ME3: variants seen among roughly 807,000 people sequenced by gnomAD.
ME3 encodes malic enzyme 3.
Under a neutral mutation model 68.9 loss-of-function variants are expected in ME3, and 48 were observed. The ratio of observed to expected loss-of-function variants is 0.70; its 90% CI spans 0.55 to 0.89. The LOEUF (loss-of-function observed/expected upper bound fraction) is 0.89, where lower values mean the gene tolerates loss of function less well. ME3 is among the 40% of genes least tolerant of loss of function. The pLI, the probability that ME3 is intolerant of heterozygous loss-of-function variation, is 0.00. For synonymous variants in ME3, 320 were observed against 318.8 expected (o/e 1.00, Z -0.04); for missense variants, 675 against 797.4 (o/e 0.85, Z 1.85).
intron 2 of ME3, among the ~76,000 whole-genome samples, chr11:86,598,311 T>A (rs12574128): frequency 0.27 from 41,079 of 152,150 alleles, 5,868 homozygotes; most frequent in African/African-American, 0.35. Context: ...CGCACCTGGC[T>A]TGGAGGGTCC....
At chr11:86,534,081 G>GTGTATATATATATATATATATATA (rs1361825219) in intron 4 of ME3, among the ~76,000 whole-genome samples, 4 of 127,502 alleles carry the variant, frequency 3.1e-5, no homozygotes, top group African/African-American at 1.3e-4. Context: ...GTGTGTGTGT[G>GTGTATATATATATATATATATATA]TATATATATA....
intron 7 of ME3, among the ~76,000 whole-genome samples, chr11:86,476,040 A>G (rs1164156034): frequency 1.3e-5 from 2 of 152,056 alleles, no homozygotes; most frequent in Non-Finnish European, 2.9e-5. Context: ...TAAAATCCTC[A>G]TTAACTTCCT....
chr11:86,481,341 C>G (rs1486223961), intron 7 of ME3, among the ~76,000 whole-genome samples: 1 of 151,698 alleles, frequency 6.6e-6, no homozygotes, highest in African/African-American at 2.4e-5. Flanking sequence ...GTGTGAGCCA[C>G]TGTGCTCAGC....
chr11:86,472,008 G>A (rs977865838), intron 7 of ME3, among the ~76,000 whole-genome samples: 16 of 152,330 alleles, frequency 1.1e-4, no homozygotes, highest in African/African-American at 2.6e-4. Context: ...TCTGCAGCGG[G>A]GAGAGGCAAT....
At chr11:86,578,597 C>T (rs1007620537) in intron 2 of ME3, among the ~76,000 whole-genome samples, 4 of 152,130 alleles carry the variant, frequency 2.6e-5, no homozygotes, top group African/African-American at 9.7e-5. Context: ...ACCAAATCCT[C>T]ATTCTCCTGG....
intron 2 of ME3, among the ~76,000 whole-genome samples, chr11:86,614,154 A>G (rs145543706): frequency 2.0e-5 from 3 of 152,194 alleles, no homozygotes; most frequent in Non-Finnish European, 4.4e-5. Flanking sequence ...AGAATCTCAC[A>G]TCATCTTCCC....
In ME3 at chr11:86,625,322, C is replaced by T. The variant is rs138929742; in HGVS notation, c.183+46440G>A. On this transcript the variant is annotated intron_variant, in intron 2 of 14. Coordinates refer to ENST00000543262, the Ensembl canonical transcript of ME3. ...GCAGCAAGATCTAAGAATGAAGACG[C>T]GTAGCTGATCATACATCCTAGATAA... 2.8e-3 allele frequency among the ~76,000 whole-genome samples: 420 copies of T among 151,840 alleles called. 3 individuals carry two copies. Among genetic ancestry groups the T allele is most frequent in the African/African-American group, 9.8e-3 (404 of 41,424 alleles).
intron 2 of ME3, among the ~76,000 whole-genome samples, chr11:86,638,842 C>A (rs902974667): frequency 2.0e-5 from 3 of 152,178 alleles, no homozygotes; most frequent in African/African-American, 7.2e-5. Context: ...AAATCCATGT[C>A]CCTTGAATTC....
chr11:86,668,942 G>C (rs963229396), intron 2 of ME3, among the ~76,000 whole-genome samples: 2 of 152,180 alleles, frequency 1.3e-5, no homozygotes, highest in African/African-American at 4.8e-5. Flanking sequence ...CCACAGACAT[G>C]AACACTAAGC....
intron 2 of ME3, among the ~76,000 whole-genome samples, chr11:86,670,410 G>A (rs1335511688): frequency 6.6e-6 from 1 of 152,184 alleles, no homozygotes; most frequent in Non-Finnish European, 1.5e-5. Context: ...TGTGGTTCAA[G>A]CCGTGCCTGC....
rs115420829 is a variant in ME3, at chr11:86,633,238, T to C, written c.183+38524A>G. On this transcript the variant is annotated intron_variant, in intron 2 of 14. Coordinates refer to ENST00000543262, the Ensembl canonical transcript of ME3. Reference sequence around the variant, plus strand: ...GATGTGACCAAGGACATAAGCACAGTGACAGACTGACATTTAGTCACTTAC... The same window carrying C: ...GATGTGACCAAGGACATAAGCACAGCGACAGACTGACATTTAGTCACTTAC... 3.7e-3 allele frequency among the ~76,000 whole-genome samples: 561 copies of C among 152,314 alleles called. 7 individuals are homozygous for C. The highest frequency in any genetic ancestry group is 0.013 in the African/African-American group (529 of 41,564).
chr11:86,441,283 A>G (rs1948981490), exon 15 of ME3: 1 of 1,597,552 alleles, frequency 6.3e-7, no homozygotes, highest in African/African-American at 1.3e-5. Context: ...ACTGCCTCAG[A>G]CCGTCTGAAC....
At chr11:86,463,305 G>A (rs1247655996) in intron 8 of ME3, among the ~76,000 whole-genome samples, 1 of 152,154 alleles carries the variant, frequency 6.6e-6, no homozygotes, top group Admixed American at 6.5e-5. Flanking sequence ...TGGGCTCAGG[G>A]GACTGGCTGT....
intron 4 of ME3, among the ~76,000 whole-genome samples, chr11:86,539,684 G>A (rs1355528435): frequency 5.3e-5 from 8 of 152,178 alleles, no homozygotes; most frequent in Non-Finnish European, 2.9e-5. Flanking sequence ...CCTATAGCTT[G>A]TTTCAGGAGA....
intron 2 of ME3, among the ~76,000 whole-genome samples, chr11:86,597,552 T>G (rs1349128830): frequency 6.6e-6 from 1 of 152,212 alleles, no homozygotes; most frequent in Non-Finnish European, 1.5e-5. Context: ...CCCACCTCTG[T>G]GAAGTATGCT....
At chr11:86,630,378 C>T (rs1039426683) in intron 2 of ME3, among the ~76,000 whole-genome samples, 2 of 152,134 alleles carry the variant, frequency 1.3e-5, no homozygotes, top group African/African-American at 4.8e-5. Flanking sequence ...GAGCTGGACA[C>T]CTGAGTGGGT....
intron 2 of ME3, among the ~76,000 whole-genome samples, chr11:86,604,850 CTT>C (rs1221623231): frequency 6.6e-6 from 1 of 152,066 alleles, no homozygotes; most frequent in African/African-American, 2.4e-5. Flanking sequence ...TCCATTGTAT[CTT>C]ATATGTTTTA....
At chr11:86,629,969 T>A (rs779866255) in intron 2 of ME3, among the ~76,000 whole-genome samples, 13 of 152,160 alleles carry the variant, frequency 8.5e-5, no homozygotes, top group Non-Finnish European at 1.6e-4. Flanking sequence ...AAGAGGAAAC[T>A]GAGTCTGAAT....
In ME3 at chr11:86,636,721, C is replaced by T. The variant is rs115052181; in HGVS notation, c.183+35041G>A. 4.8e-3 allele frequency among the ~76,000 whole-genome samples: 734 copies of T among 152,356 alleles called. 4 individuals are homozygous for T. Among genetic ancestry groups the T allele is most frequent in the African/African-American group, 0.016 (682 of 41,584 alleles). The stretch of plus-strand genomic sequence containing the variant: ...TCTATTTGCTGTGTGTGATCTTGAA[C>T]AAGTTACTTAACTTCTCAAATCCTC... On this transcript the variant is annotated intron_variant, in intron 2 of 14. Transcript: ENST00000543262.
Sources: allele counts gnomAD v4.1 joint callset (sites outside exome capture counted in the v4.1 genomes callset), GRCh38; gene constraint gnomAD v4.1.1; transcripts MANE v1.5; gene names NCBI Gene and HGNC (gene_info 2026-07-23, HGNC 2026-07-21).